Variants in PITPNB observed in about 807,000 individuals in gnomAD.
PITPNB encodes the protein phosphatidylinositol transfer protein beta, also known as phosphatidylinositol transfer protein beta isoform.
A neutral mutation model predicts 45.9 loss-of-function variants in PITPNB; 16 were observed. The observed-to-expected ratio is 0.35, with a 90% CI of 0.24 to 0.53. The LOEUF (loss-of-function observed/expected upper bound fraction) is 0.53. Among genes scored for constraint, PITPNB ranks in the 20% least tolerant of loss-of-function variants. The pLI is 0.93. For synonymous variants in PITPNB, 112 were observed against 108.9 expected (o/e 1.03, Z -0.18); for missense variants, 188 against 330.5 (o/e 0.57, Z 3.34).
chr22:27,879,926 T>A (rs1934921399), intron 7 of PITPNB, among the ~76,000 whole-genome samples: 1 of 152,138 alleles, frequency 6.6e-6, no homozygotes. Context: ...CCATTAGCAT[T>A]AAGTTAACAA....
chr22:27,904,012 T>C (rs902553060), intron 3 of PITPNB, among the ~76,000 whole-genome samples: 1 of 152,142 alleles, frequency 6.6e-6, no homozygotes, highest in Non-Finnish European at 1.5e-5. Flanking sequence ...GGAACCTTCA[T>C]ACACTGCTGA....
chr22:27,897,315 CATTAG>C (rs1935464596), intron 4 of PITPNB, among the ~76,000 whole-genome samples, 178 bp from the exon 5 acceptor site: 1 of 152,106 alleles, frequency 6.6e-6, no homozygotes, highest in Non-Finnish European at 1.5e-5. Context: ...CTATACAGTA[CATTAG>C]ATTATGGAGT....
chr22:27,873,550 G>A (rs1368211317), intron 8 of PITPNB, among the ~76,000 whole-genome samples, 188 bp downstream of exon 8: 2 of 152,230 alleles, frequency 1.3e-5, no homozygotes, highest in Non-Finnish European at 2.9e-5. Flanking sequence ...GTCTGGCTCT[G>A]TTCTGTTTGT....
intron 3 of PITPNB, among the ~76,000 whole-genome samples, chr22:27,902,159 G>A (rs890115862): frequency 3.9e-5 from 6 of 152,118 alleles, no homozygotes; most frequent in Admixed American, 1.3e-4. Context: ...TGGAGCAAGG[G>A]TATTCGGGAA....
intron 8 of PITPNB, among the ~76,000 whole-genome samples, chr22:27,873,049 C>A (rs1211263891): frequency 6.6e-6 from 1 of 152,232 alleles, no homozygotes; most frequent in Non-Finnish European, 1.5e-5. Context: ...GGGTGGATCA[C>A]CTGAGGTCGG....
intron 7 of PITPNB, among the ~76,000 whole-genome samples, chr22:27,876,533 C>T (rs887191209): frequency 1.3e-5 from 2 of 152,118 alleles, no homozygotes; most frequent in East Asian, 1.9e-4. Flanking sequence ...ATGAAGAATA[C>T]GTAAATGTTT....
intron 3 of PITPNB, among the ~76,000 whole-genome samples, chr22:27,907,296 T>C (rs1254822431): frequency 2.0e-5 from 3 of 152,036 alleles, no homozygotes; most frequent in Non-Finnish European, 2.9e-5. Flanking sequence ...GGGATGGAGG[T>C]CTTTCCTGCA....
intron 10 of PITPNB, among the ~76,000 whole-genome samples, chr22:27,857,111 A>G (rs1233623630): frequency 1.3e-5 from 2 of 152,166 alleles, no homozygotes; most frequent in African/African-American, 2.4e-5. Flanking sequence ...CTATATCCAG[A>G]ACTCAGAGTC....
intron 10 of PITPNB, 81 bp downstream of exon 10, chr22:27,858,306 T>C: frequency 9.0e-7 from 1 of 1,115,624 alleles, no homozygotes; most frequent in East Asian, 2.5e-5. Flanking sequence ...TCTTCCTAAT[T>C]CTAACTCTGT....
At chr22:27,903,394 G>A (rs1601421925) in intron 3 of PITPNB, among the ~76,000 whole-genome samples, 2 of 150,826 alleles carry the variant, frequency 1.3e-5, no homozygotes, top group Admixed American at 6.6e-5. Context: ...TCTTGAACCC[G>A]GAAGGCGGAG....
intron 8 of PITPNB, among the ~76,000 whole-genome samples, chr22:27,868,426 T>C (rs1934548061): frequency 1.3e-5 from 2 of 152,190 alleles, no homozygotes; most frequent in Non-Finnish European, 2.9e-5. Flanking sequence ...TACCAACATC[T>C]TTTCACAGAC....
intron 11 of PITPNB, 40 bp from the exon 12 acceptor site, chr22:27,853,703 T>G: frequency 7.0e-7 from 1 of 1,433,584 alleles, no homozygotes; most frequent in Admixed American, 2.0e-5. Context: ...TGTGTTAAAA[T>G]ACAGAGACAG....
chr22:27,919,161 G>A lies in PITPNB; in HGVS notation c.20+11C>T, dbSNP rs1284585454. 6 of 1,613,852 alleles carry A rather than the reference G, an allele frequency of 3.7e-6. No homozygotes were observed. The highest frequency in any genetic ancestry group is 5.1e-6 in the Non-Finnish European group (6 of 1,179,898). Reference sequence around the variant, plus strand: ...TCCCACGGCCTCGCTCGCGCCCACAGACCCACTCACAATTCCTTGATCAGC... The same window carrying A: ...TCCCACGGCCTCGCTCGCGCCCACAAACCCACTCACAATTCCTTGATCAGC... On this transcript the variant is annotated intron_variant, in intron 1 of 11. Coordinates refer to ENST00000335272, the MANE Select transcript of PITPNB (RefSeq NM_012399.5).
At chr22:27,904,350 C>T (rs568595889) in intron 3 of PITPNB, among the ~76,000 whole-genome samples, 7 of 152,256 alleles carry the variant, frequency 4.6e-5, no homozygotes, top group South Asian at 2.1e-4. Flanking sequence ...CTTGAAAACA[C>T]GCTAAGTGAA....
chr22:27,894,704 A>C (rs571174307), intron 6 of PITPNB, 66 bp from the exon 7 acceptor site: 1 of 891,454 alleles, frequency 1.1e-6, no homozygotes, highest in East Asian at 2.4e-5. Context: ...TTACACATAT[A>C]ATCTTTATCT....
At chr22:27,855,371 T>C (rs1691621231) in intron 10 of PITPNB, among the ~76,000 whole-genome samples, 1 of 151,890 alleles carries the variant, frequency 6.6e-6, no homozygotes, top group South Asian at 2.1e-4. Flanking sequence ...TAAAGGAAGT[T>C]TACTGAAAGG....
At chr22:27,904,969 CAAT>C (rs1935714387) in intron 3 of PITPNB, among the ~76,000 whole-genome samples, 3 of 152,088 alleles carry the variant, frequency 2.0e-5, no homozygotes, top group African/African-American at 7.2e-5. Context: ...CAAGAGGAAA[CAAT>C]ATATTTCAGA....
rs189212882 is a variant in PITPNB, at chr22:27,901,115, A to G, written c.198-3223T>C. 1.6e-3 allele frequency among the ~76,000 whole-genome samples: 238 copies of G among 152,342 alleles called. 2 individuals carry two copies. Among genetic ancestry groups the G allele is most frequent in the Non-Finnish European group, 2.5e-3 (169 of 68,028 alleles). ...AGCGTTCACTTACCTCAAGGTAAAC[A>G]TGGCTAGATTTCAGCTGCTTAAGAG... On this transcript the variant is annotated intron_variant, in intron 3 of 11. Transcript: ENST00000335272.
chr22:27,916,270 G>A (rs1936071996), intron 1 of PITPNB, among the ~76,000 whole-genome samples: 1 of 152,190 alleles, frequency 6.6e-6, no homozygotes, highest in Non-Finnish European at 1.5e-5. Context: ...ACAAGTAAAA[G>A]GGAAAAGGAA....
Sources: allele counts gnomAD v4.1 joint callset (sites outside exome capture counted in the v4.1 genomes callset), GRCh38; gene constraint gnomAD v4.1.1; transcripts MANE v1.5; gene names NCBI Gene and HGNC (gene_info 2026-07-23, HGNC 2026-07-21).